Variants in RBM26 observed in about 807,000 individuals in gnomAD.
RBM26 encodes the protein RNA binding motif protein 26, also known as RNA-binding protein 26.
Under a neutral mutation model 123.6 loss-of-function variants are expected in RBM26, and 30 were observed. The observed-to-expected ratio is 0.24, with a 90% confidence interval of 0.18 to 0.33. The LOEUF (loss-of-function observed/expected upper bound fraction) is 0.33, where lower values mean the gene tolerates loss of function less well. RBM26 is among the 10% of genes least tolerant of loss of function. The pLI is 1.00. For synonymous variants in RBM26, 400 were observed against 404.4 expected (o/e 0.99, Z 0.13); for missense variants, 947 against 1,203.6 (o/e 0.79, Z 3.15).
At chr13:79,316,192 G>GGGGTGT (rs1258977045), downstream of RBM26, among the ~76,000 whole-genome samples, 41 of 142,096 alleles carry the variant, frequency 2.9e-4, no homozygotes, top group African/African-American at 1.0e-3. Context: ...AAGTGGGGCA[G>GGGGTGT]GTGTGTGTGT....
intron 18 of RBM26, among the ~76,000 whole-genome samples, chr13:79,338,351 AT>A (rs145393268): frequency 0.048 from 7,292 of 151,654 alleles, 534 homozygotes; most frequent in African/African-American, 0.15. Context: ...CCCTCAAGAT[AT>A]TTTTTTTTCC....
chr13:79,359,228 T>C (rs1435149059), intron 10 of RBM26, among the ~76,000 whole-genome samples: 2 of 152,194 alleles, frequency 1.3e-5, no homozygotes, highest in Non-Finnish European at 1.5e-5. Flanking sequence ...TGAAAGTCTC[T>C]TGACAGGTCT....
chr13:79,367,850 C>A (rs1031733946), intron 6 of RBM26, among the ~76,000 whole-genome samples: 6 of 151,898 alleles, frequency 4.0e-5, no homozygotes, highest in African/African-American at 7.3e-5. Flanking sequence ...AAAAAACACA[C>A]AAATGAAAAT....
chr13:79,325,908 G>A (rs1024736582), intron 20 of RBM26, among the ~76,000 whole-genome samples: 1 of 152,032 alleles, frequency 6.6e-6, no homozygotes, highest in African/African-American at 2.4e-5. Flanking sequence ...TATTTTTACT[G>A]TACCTTTTCT....
At chr13:79,373,699 T>C (rs1401004167) in intron 3 of RBM26, among the ~76,000 whole-genome samples, 3 of 22,670 alleles carry the variant, frequency 1.3e-4, no homozygotes, top group African/African-American at 4.6e-4. Context: ...ATATATAATA[T>C]TTTATATATA....
rs2079504526 is a variant in RBM26 at position 79,406,123 on chromosome 13, C to T, written c.-349G>A. The T allele has an allele frequency of 5.2e-6, 1 of 191,678 alleles. No homozygotes were observed. Among genetic ancestry groups the T allele is most frequent in the Non-Finnish European group, 1.1e-5 (1 of 93,838 alleles). The allele number at this position is 191,678 out of a possible 1,614,324, so 11.9% of individuals were successfully genotyped here. The stretch of plus-strand genomic sequence containing the variant: ...CTTCTCTCAGCCTCGGGACCAGGTG[C>T]TTGTTGGCTACGTCGAAAAGGCAAA... On this transcript the variant is annotated 5_prime_UTR_variant, in exon 1 of 22. Transcript: ENST00000438737.
At chr13:79,330,343 T>C (rs1443713056) in intron 20 of RBM26, among the ~76,000 whole-genome samples, 1 of 152,300 alleles carries the variant, frequency 6.6e-6, no homozygotes, top group South Asian at 2.1e-4. Context: ...ACATCTTACG[T>C]GGAAAATGTT....
chr13:79,367,226 G>T (rs2075349181), intron 6 of RBM26, among the ~76,000 whole-genome samples: 1 of 151,268 alleles, frequency 6.6e-6, no homozygotes, highest in Non-Finnish European at 1.5e-5. Context: ...GACGAACATG[G>T]TGAAACCCCA....
At chr13:79,323,099 C>T (rs769727380) in intron 20 of RBM26, among the ~76,000 whole-genome samples, 90 of 151,348 alleles carry the variant, frequency 5.9e-4, no homozygotes, top group Non-Finnish European at 1.2e-3. Flanking sequence ...GTTTTTCCTA[C>T]CAAACTTTTA....
chr13:79,387,629 T>C (rs1429379304), intron 1 of RBM26, among the ~76,000 whole-genome samples: 2 of 152,110 alleles, frequency 1.3e-5, no homozygotes, highest in African/African-American at 4.8e-5. Context: ...AAAAAATATT[T>C]GGCTTTCACC....
At position 79,368,790 on chromosome 13, in the gene RBM26, C is replaced by A; in HGVS notation, c.835G>T (p.Val279Leu). ...GGTCTTACGTAAGAGTTATGGTCCACTTGGTCTTCATGAAATTCAGACCAA... is the reference window on the plus strand; with the variant it reads ...GGTCTTACGTAAGAGTTATGGTCCAATTGGTCTTCATGAAATTCAGACCAA... The part of the protein sequence containing the change: ...ESWSEFHEDQ[V>L]DHNSYVRPPM... The change falls in exon 6 of 22, where the codon GTG becomes TTG. Residue 279 changes from valine to leucine, a missense_variant. Physicochemically the swap from Val to Leu is conservative, Grantham distance 32 (BLOSUM62 1). This residue lies in a region of RBM26 where 275 missense variants were observed against 361.0 expected (regional missense o/e 0.76). Transcript: ENST00000438737. 6.2e-7 allele frequency: 1 copy of A among 1,613,954 alleles called. No individual in the cohort carries two copies. The highest frequency in any genetic ancestry group is 8.5e-7 in the Non-Finnish European group (1 of 1,179,846).
At position 79,374,298 on chromosome 13, in the gene RBM26, A is replaced by G. The variant is rs149015099; in HGVS notation, c.328-2368T>C. ...AGCCTGGCCAACACGCTGAAATATCATCTCTACTAAAAATACAAAAATTAG... is the reference window on the plus strand; with the variant it reads ...AGCCTGGCCAACACGCTGAAATATCGTCTCTACTAAAAATACAAAAATTAG... On this transcript the variant is annotated intron_variant, in intron 3 of 21. Transcript: ENST00000438737. Among the ~76,000 whole-genome samples, 972 of 152,136 alleles carry G rather than the reference A, an allele frequency of 6.4e-3. 15 individuals are homozygous for G. Among genetic ancestry groups the G allele is most frequent in the African/African-American group, 0.022 (896 of 41,508 alleles).
chr13:79,364,260 C>T (rs1265652864), intron 9 of RBM26, among the ~76,000 whole-genome samples: 1 of 152,146 alleles, frequency 6.6e-6, no homozygotes, highest in African/African-American at 2.4e-5. Flanking sequence ...ATTCCTTACA[C>T]CTTCATTACA....
chr13:79,389,100 G>C (rs1010259972), intron 1 of RBM26, among the ~76,000 whole-genome samples: 1 of 152,122 alleles, frequency 6.6e-6, no homozygotes, highest in Admixed American at 6.5e-5. Flanking sequence ...AATAATTGCA[G>C]AATGTATGGA....
chr13:79,342,302 C>T (rs1267531331), intron 17 of RBM26, among the ~76,000 whole-genome samples: 7 of 151,734 alleles, frequency 4.6e-5, no homozygotes, highest in Non-Finnish European at 3.0e-5. Flanking sequence ...GTCAATCCAC[C>T]GTGTACGGTG....
In RBM26 at chr13:79,368,930, T is replaced by C; in HGVS notation, c.695A>G (p.Tyr232Cys). Residue 232 changes from tyrosine to cysteine, a missense_variant, in exon 6 of 22, where the codon TAT (tyrosine) becomes TGT (cysteine). By Grantham distance (194) the Tyr-to-Cys change is radical. This residue lies in a region of RBM26 where 275 missense variants were observed against 361.0 expected (regional missense o/e 0.76). Coordinates refer to ENST00000438737, the MANE Select transcript of RBM26 (RefSeq NM_001366735.2). ...LDRTDPLENN[Y>C]TPVSSVPSIS... Reference sequence around the variant, plus strand: ...ACTAGGTACCGAAGAGACTGGAGTATAATTATTTTCTAATGGATCTGTTCT... The same window carrying C: ...ACTAGGTACCGAAGAGACTGGAGTACAATTATTTTCTAATGGATCTGTTCT... The C allele has an allele frequency of 6.2e-7, 1 of 1,610,814 alleles. No individual in the cohort carries two copies. The highest frequency in any genetic ancestry group is 1.3e-5 in the African/African-American group (1 of 74,944).
chr13:79,320,768 A>T, intron 21 of RBM26, 58 bp from the exon 22 acceptor site: 1 of 1,406,640 alleles, frequency 7.1e-7, no homozygotes. Context: ...AAAAGAAAAA[A>T]AAGGTGACAC....
In RBM26 at chr13:79,405,955, CA is replaced by C; in HGVS notation, c.-182del. On this transcript the variant is annotated 5_prime_UTR_variant, in exon 1 of 22. Transcript: ENST00000438737. ...GCTCTGCAAGGACCGCCGCAGGCCA[CA>C]AGTGCACGGGGTGCCAGGAGCTCCC... The C allele has an allele frequency of 3.0e-6, 1 of 333,752 alleles. No individual in the cohort carries two copies. The highest frequency in any genetic ancestry group is 5.4e-6 in the Non-Finnish European group (1 of 185,922). 20.7% of individuals were successfully genotyped at this position (333,752 alleles called of 1,614,324 possible). A position where few individuals can be genotyped will look rare whatever the true frequency, so the allele number is the denominator to read the frequency against.
rs1368641610 is a variant in RBM26 at position 79,401,799 on chromosome 13, C to T, written c.71+3905G>A. Among the ~76,000 whole-genome samples, 20 of 152,134 alleles carry T rather than the reference C, an allele frequency of 1.3e-4. 1 individual carries two copies. Among genetic ancestry groups the T allele is most frequent in the Non-Finnish European group, 2.9e-4 (20 of 68,012 alleles). On this transcript the variant is annotated intron_variant, in intron 1 of 21. Coordinates refer to ENST00000438737, the MANE Select transcript of RBM26 (RefSeq NM_001366735.2). ...AGAGGAGGTTTCTTTGCCTAGACAG[C>T]TAATAAATGGCAGAAGTGAGATTTG...
Sources: gnomAD v4.1 joint callset for allele counts (sites outside exome capture counted in the v4.1 genomes callset) on GRCh38, gnomAD v4.1.1 for gene constraint, gnomAD v4.1.1 regional missense constraint, MANE v1.5 for transcripts, NCBI Gene and HGNC (gene_info 2026-07-23, HGNC 2026-07-21) for gene names.